The following POGZ variants were observed in gnomAD, a reference collection of about 807,000 sequenced individuals.
The protein encoded by POGZ is pogo transposable element derived with ZNF domain.
In POGZ, 17 loss-of-function variants were observed where a neutral mutation model predicts 134.6. The ratio of observed to expected loss-of-function variants is 0.13; its 90% CI spans 0.09 to 0.19. POGZ has a LOEUF of 0.19. Ranked by LOEUF, POGZ falls within the 10% of genes least tolerant of loss-of-function variation. The pLI is 1.00. For synonymous variants in POGZ, 693 were observed against 657.1 expected (o/e 1.05, Z -0.84); for missense variants, 1,306 against 1,769.7 (o/e 0.74, Z 4.70).
At chr1:151,419,038 A>G (rs7515400) in intron 10 of POGZ, among the ~76,000 whole-genome samples, 1 of 150,178 alleles carries the variant, frequency 6.7e-6, no homozygotes. Context: ...AAAAAAAAAA[A>G]AAAAAAAAGA....
chr1:151,412,007 A>G (rs1355349242), intron 11 of POGZ, among the ~76,000 whole-genome samples: 1 of 152,232 alleles, frequency 6.6e-6, no homozygotes, highest in Non-Finnish European at 1.5e-5. Context: ...TTCTCTAACT[A>G]AGAAAAATAA....
At chr1:151,409,861 AGT>A (rs1654358976) in intron 12 of POGZ, among the ~76,000 whole-genome samples, 1 of 152,242 alleles carries the variant, frequency 6.6e-6, no homozygotes, top group South Asian at 2.1e-4. Context: ...CAGTCTGCCT[AGT>A]ATTGAAGTCC....
intron 1 of POGZ, among the ~76,000 whole-genome samples, chr1:151,446,078 T>C (rs543949593): frequency 3.6e-5 from 5 of 139,290 alleles, no homozygotes; most frequent in East Asian, 4.1e-4. Flanking sequence ...GCCCCGATCA[T>C]GGGCAAGGGC....
rs897715235 is a variant in POGZ, at chr1:151,408,350, C to G, written c.2234+59G>C. ...AAAGCTACCAGATTGCACTGTGTATCAGGAATAATCCTGGCCACCCAGTCC... is the reference window on the plus strand; with the variant it reads ...AAAGCTACCAGATTGCACTGTGTATGAGGAATAATCCTGGCCACCCAGTCC... On this transcript the variant is annotated intron_variant, in intron 14 of 18. Transcript: ENST00000271715. 6 of 1,561,236 alleles carry G rather than the reference C, an allele frequency of 3.8e-6. No homozygotes were observed. The African/African-American group carries it at 5.5e-5, about 14-fold the overall frequency.
intron 12 of POGZ, among the ~76,000 whole-genome samples, chr1:151,411,204 T>C (rs1654606768): frequency 6.6e-6 from 1 of 152,174 alleles, no homozygotes; most frequent in South Asian, 2.1e-4. Flanking sequence ...CTCTGTCTCT[T>C]ACACCCTACA....
At chr1:151,422,470 C>A (rs1439857751) in intron 10 of POGZ, among the ~76,000 whole-genome samples, 1 of 152,176 alleles carries the variant, frequency 6.6e-6, no homozygotes, top group Admixed American at 6.5e-5. Context: ...GCAAATGACT[C>A]AATTTCTTTG....
Position 151,405,134 on chromosome 1 carries a change from C to T in POGZ, c.3901G>A (p.Val1301Met). Reference protein sequence around the residue: ...ACDSDVLLQLVLVWLGEVLGV... With the variant: ...ACDSDVLLQLMLVWLGEVLGV... ...AGCACTTCACCCAGCCAGACAAGCA[C>T]CAGCTGAAGCAGGACATCAGAATCA... is the stretch of plus-strand genomic sequence containing the variant. The change falls in exon 19 of 19, where the codon GTG (valine) becomes ATG (methionine). Residue 1301 changes from valine (V) to methionine (M), a missense_variant. This residue lies in a region of POGZ where 67 missense variants were observed against 105.8 expected (regional missense o/e 0.63). Coordinates refer to ENST00000271715, the MANE Select transcript of POGZ (RefSeq NM_015100.4). This position sits in a 1 kb window ranked among gnomAD's most constrained non-coding sequence, Gnocchi z 4.9. 1 of 1,614,244 alleles carries T rather than the reference C, an allele frequency of 6.2e-7. No homozygotes were observed. Among genetic ancestry groups the T allele is most frequent in the East Asian group, 2.2e-5 (1 of 44,888 alleles).
At chr1:151,408,621 C>A (rs764060942) in intron 13 of POGZ, 40 bp from the exon 14 acceptor site, 1 of 1,605,116 alleles carries the variant, frequency 6.2e-7, no homozygotes, top group Admixed American at 1.8e-5. Flanking sequence ...ATCACCCACA[C>A]TAAATTTCAG....
At position 151,405,489 on chromosome 1, in the gene POGZ, C is replaced by T. The variant is rs767143461; in HGVS notation, c.3546G>A (p.Gln1182=). 2.5e-6 allele frequency: 4 copies of T among 1,614,244 alleles called. No individual in the cohort carries two copies. The African/African-American group carries it at 4.0e-5, about 16-fold the overall frequency. Reference sequence around the variant, plus strand: ...ATATGGAGTCTGGCATGTTAGCAGGCTGATCCATCTGCCCTCTGTAGAAAA... The same window carrying T: ...ATATGGAGTCTGGCATGTTAGCAGGTTGATCCATCTGCCCTCTGTAGAAAA... The part of the protein sequence containing the change: ...TLVFYRGQMD[Q]PANMPDSILL... The change falls in exon 19 of 19, where the codon CAG becomes CAA. Residue 1182 remains glutamine, a synonymous_variant. Transcript: ENST00000271715. The surrounding 1 kb of genome is among the most constrained non-coding windows in gnomAD (Gnocchi z 4.9).
chr1:151,406,761 TA>T, intron 17 of POGZ, 130 bp from the exon 18 acceptor site: 1 of 1,034,650 alleles, frequency 9.7e-7, no homozygotes, highest in Non-Finnish European at 1.5e-6. Context: ...CAGTTTTATA[TA>T]AACTTCAGGT....
At chr1:151,411,427 T>C (rs1163726241) in intron 12 of POGZ, among the ~76,000 whole-genome samples, 198 bp downstream of exon 12, 3 of 152,246 alleles carry the variant, frequency 2.0e-5, no homozygotes, top group Non-Finnish European at 4.4e-5. Context: ...TTTTATTGTA[T>C]TGTTTGCCTT....
intron 8 of POGZ, chr1:151,424,525 T>C (rs571135015): frequency 2.9e-5 from 11 of 382,138 alleles, no homozygotes; most frequent in African/African-American, 2.3e-4. Context: ...CCCTTAATCA[T>C]TAGTATAACT....
intron 1 of POGZ, among the ~76,000 whole-genome samples, chr1:151,446,615 G>C (rs1661310152): frequency 1.3e-5 from 2 of 151,976 alleles, no homozygotes; most frequent in South Asian, 4.1e-4. Flanking sequence ...AATTAGCCAG[G>C]TGTGGTGGCA....
Position 151,404,550 on chromosome 1 carries a change from C to T in POGZ, c.*252G>A, listed in dbSNP as rs890287635. ...TTAAATTTAAAAAAAAAAAAAGTCA[C>T]AAAAACCTGTTTTTAGCAGAAGTGA... On this transcript the variant is annotated 3_prime_UTR_variant, in exon 19 of 19. Coordinates refer to ENST00000271715, the MANE Select transcript of POGZ (RefSeq NM_015100.4). 8.7e-7 allele frequency: 1 copy of T among 1,151,282 alleles called. No individual in the cohort carries two copies. The highest frequency in any genetic ancestry group is 1.6e-5 in the African/African-American group (1 of 61,914). The allele number at this position is 1,151,282 out of a possible 1,614,324, so 71.3% of individuals were successfully genotyped here. A position where few individuals can be genotyped will look rare whatever the true frequency, so the allele number is the denominator to read the frequency against.
chr1:151,420,431 C>T lies in POGZ; in HGVS notation c.1678+2966G>A, dbSNP rs547941904. 2.6e-5 allele frequency among the ~76,000 whole-genome samples: 4 copies of T among 152,228 alleles called. No homozygotes were observed. In the East Asian group the frequency reaches 7.7e-4, roughly 29 times the overall value. ...TACTGGGCTCAAGCAATCCTCCCAC[C>T]TCTACCTCCTGAGTAGCTACGACTA... On this transcript the variant is annotated intron_variant, in intron 10 of 18. Coordinates refer to ENST00000271715, the MANE Select transcript of POGZ (RefSeq NM_015100.4).
At chr1:151,425,631 T>C (rs1181252836) in intron 7 of POGZ, among the ~76,000 whole-genome samples, 1 of 152,196 alleles carries the variant, frequency 6.6e-6, no homozygotes, top group Non-Finnish European at 1.5e-5. Flanking sequence ...CTAGCCTATT[T>C]CACTTTAACA....
intron 1 of POGZ, among the ~76,000 whole-genome samples, chr1:151,451,501 C>T (rs1256776289): frequency 1.3e-5 from 2 of 151,370 alleles, no homozygotes; most frequent in African/African-American, 4.8e-5. Flanking sequence ...TCATTTTGTA[C>T]TTTTAGTAGA....
intron 3 of POGZ, among the ~76,000 whole-genome samples, chr1:151,437,462 C>A (rs570418145): frequency 7.9e-5 from 12 of 152,216 alleles, no homozygotes; most frequent in African/African-American, 2.9e-4. Context: ...AAATTATTCT[C>A]ATTTGCTGGT....
Position 151,415,906 on chromosome 1 carries a change from A to G in POGZ, c.1679-3510T>C, listed in dbSNP as rs546746099. On this transcript the variant is annotated intron_variant, in intron 10 of 18. Transcript: ENST00000271715. Reference sequence around the variant, plus strand: ...GCAGGTTAAGATTTCTGTATTAGACATAAATATTAAAAGACTATGAATCAG... The same window carrying G: ...GCAGGTTAAGATTTCTGTATTAGACGTAAATATTAAAAGACTATGAATCAG... Among the ~76,000 whole-genome samples, 280 of 152,162 alleles carry G rather than the reference A, an allele frequency of 1.8e-3. 1 individual carries two copies. Among genetic ancestry groups the G allele is most frequent in the African/African-American group, 6.5e-3 (270 of 41,520 alleles).
Sources: gnomAD v4.1 joint callset for allele counts (sites outside exome capture counted in the v4.1 genomes callset) on GRCh38, gnomAD v4.1.1 for gene constraint, gnomAD v4.1.1 regional missense constraint, Gnocchi (gnomAD v3.1) non-coding constraint, MANE v1.5 for transcripts, NCBI Gene and HGNC (gene_info 2026-07-23, HGNC 2026-07-21) for gene names.